MICU2: variants seen among roughly 807,000 people sequenced by gnomAD.
The protein encoded by MICU2 is mitochondrial calcium uptake 2.
In MICU2, 64 loss-of-function variants were observed where a neutral mutation model predicts 60.4. That is an observed-to-expected ratio of 1.06 (90% CI 0.87 to 1.31). The LOEUF (loss-of-function observed/expected upper bound fraction) is 1.31, where lower values mean the gene tolerates loss of function less well. Ranked by LOEUF, MICU2 falls within the 50% of genes most tolerant of loss-of-function variation. The pLI, the probability that MICU2 is intolerant of heterozygous loss-of-function variation, is 0.00. For synonymous variants in MICU2, 201 were observed against 175.0 expected (o/e 1.15, Z -1.17); for missense variants, 569 against 531.0 (o/e 1.07, Z -0.70).
intron 4 of MICU2, among the ~76,000 whole-genome samples, chr13:21,524,223 C>G (rs1196400029): frequency 1.3e-5 from 2 of 152,026 alleles, no homozygotes; most frequent in Admixed American, 6.6e-5. Context: ...TATGCAACAA[C>G]AGAGAGAATA....
chr13:21,513,417 G>A (rs1264764701), intron 7 of MICU2, among the ~76,000 whole-genome samples: 1 of 151,934 alleles, frequency 6.6e-6, no homozygotes, highest in Admixed American at 6.6e-5. Flanking sequence ...CCACCTCCCT[G>A]CCCTATTTGT....
chr13:21,510,152 T>C (rs1886392206), intron 7 of MICU2, 51 bp from the exon 8 acceptor site: 1 of 911,456 alleles, frequency 1.1e-6, no homozygotes, highest in East Asian at 3.3e-5. Context: ...AGAATAAAAA[T>C]AGAATCTGTA....
At chr13:21,493,491 A>G (rs1428471212) in intron 11 of MICU2, 138 bp from the exon 12 acceptor site, 1 of 599,696 alleles carries the variant, frequency 1.7e-6, no homozygotes, top group Non-Finnish European at 2.8e-6. Context: ...GTAAAAGATG[A>G]TCACAACAGA....
At chr13:21,556,247 C>T (rs891537625) in intron 2 of MICU2, among the ~76,000 whole-genome samples, 3 of 152,156 alleles carry the variant, frequency 2.0e-5, no homozygotes, top group Non-Finnish European at 4.4e-5. Flanking sequence ...CTCATCTGAC[C>T]TGATTTCTCA....
intron 1 of MICU2, among the ~76,000 whole-genome samples, chr13:21,584,744 CTAATT>C (rs1888422846): frequency 6.6e-6 from 1 of 152,068 alleles, no homozygotes; most frequent in African/African-American, 2.4e-5. Context: ...ATATTTACTA[CTAATT>C]TACTCTACCA....
chr13:21,516,147 A>G (rs995559945), intron 6 of MICU2, among the ~76,000 whole-genome samples: 5 of 152,206 alleles, frequency 3.3e-5, no homozygotes, highest in Admixed American at 1.3e-4. Flanking sequence ...AGGAAAAAAT[A>G]CATATATTAA....
chr13:21,511,146 T>G (rs1485327720), intron 7 of MICU2, among the ~76,000 whole-genome samples: 1 of 152,136 alleles, frequency 6.6e-6, no homozygotes, highest in Non-Finnish European at 1.5e-5. Context: ...GGTGCTCCAG[T>G]AAGGATTACA....
intron 1 of MICU2, among the ~76,000 whole-genome samples, chr13:21,596,768 T>G (rs1468072109): frequency 6.6e-6 from 1 of 152,072 alleles, no homozygotes; most frequent in Non-Finnish European, 1.5e-5. Context: ...CTCAAACACA[T>G]AGTATGTAAA....
chr13:21,502,880 T>G, intron 9 of MICU2, 46 bp downstream of exon 9: 1 of 1,542,510 alleles, frequency 6.5e-7, no homozygotes, highest in East Asian at 2.2e-5. Context: ...CATGTCTAAC[T>G]TATTATTTCA....
At chr13:21,526,961 T>A (rs1417980706) in intron 4 of MICU2, among the ~76,000 whole-genome samples, 1 of 152,174 alleles carries the variant, frequency 6.6e-6, no homozygotes, top group Non-Finnish European at 1.5e-5. Context: ...CAAAGGTAGT[T>A]CAGAGCAAGG....
At chr13:21,583,131 T>C (rs1310425199) in intron 1 of MICU2, among the ~76,000 whole-genome samples, 1 of 152,202 alleles carries the variant, frequency 6.6e-6, no homozygotes, top group African/African-American at 2.4e-5. Context: ...AGCTCATGCC[T>C]GTAGTCCTAG....
intron 4 of MICU2, among the ~76,000 whole-genome samples, chr13:21,538,709 G>A (rs1201861331): frequency 6.6e-6 from 1 of 152,210 alleles, no homozygotes; most frequent in East Asian, 1.9e-4. Flanking sequence ...GAGGATGTTT[G>A]TAGGTTATAC....
At chr13:21,502,745 C>G (rs1886206564) in intron 9 of MICU2, 181 bp downstream of exon 9, 1 of 462,638 alleles carries the variant, frequency 2.2e-6, no homozygotes, top group Admixed American at 6.3e-5. Flanking sequence ...AATTGCTACA[C>G]TGATTCTGTC....
intron 1 of MICU2, among the ~76,000 whole-genome samples, chr13:21,579,422 C>A (rs1319482855): frequency 6.6e-6 from 1 of 150,484 alleles, no homozygotes. Flanking sequence ...CTCACTGCGA[C>A]CTCTGCCTCG....
chr13:21,520,440 A>C (rs1886688838), intron 6 of MICU2, among the ~76,000 whole-genome samples: 2 of 152,188 alleles, frequency 1.3e-5, no homozygotes, highest in Admixed American at 6.6e-5. Context: ...TCATATCACA[A>C]AGGCTTTAAA....
At chr13:21,533,266 T>A (rs1237437613) in intron 4 of MICU2, among the ~76,000 whole-genome samples, 11 of 152,114 alleles carry the variant, frequency 7.2e-5, no homozygotes, top group Non-Finnish European at 1.5e-4. Context: ...ATCTTTATGA[T>A]TCTGAGTATA....
chr13:21,499,835 CCAA>C (rs71093319), intron 9 of MICU2, among the ~76,000 whole-genome samples: 65,915 of 151,580 alleles, frequency 0.43, 14,457 homozygotes, highest in East Asian at 0.63. Flanking sequence ...ACCAGCCTGG[CCAA>C]CAACACAGTG....
intron 2 of MICU2, among the ~76,000 whole-genome samples, chr13:21,543,048 T>A (rs1887322029): frequency 1.3e-5 from 2 of 152,206 alleles, no homozygotes; most frequent in Non-Finnish European, 2.9e-5. Flanking sequence ...AACTTTTTCA[T>A]AAATATATGT....
chr13:21,596,544 CT>C (rs1872758164), intron 1 of MICU2, among the ~76,000 whole-genome samples: 1 of 152,052 alleles, frequency 6.6e-6, no homozygotes, highest in African/African-American at 2.4e-5. Flanking sequence ...CTGCCTCAGC[CT>C]TCCAAGTAAC....
Sources: allele counts gnomAD v4.1 joint callset (sites outside exome capture counted in the v4.1 genomes callset), GRCh38; gene constraint gnomAD v4.1.1; transcripts MANE v1.5; gene names NCBI Gene and HGNC (gene_info 2026-07-23, HGNC 2026-07-21).